DCC: variants seen among roughly 807,000 people sequenced by gnomAD.
DCC encodes the protein DCC netrin 1 receptor.
DCC carries 58 observed loss-of-function variants against 172.5 expected under a neutral mutation model. That is an observed-to-expected ratio of 0.34 (90% CI 0.27 to 0.42). The LOEUF (loss-of-function observed/expected upper bound fraction) is 0.42. Among genes scored for constraint, DCC ranks in the 10% least tolerant of loss-of-function variants. DCC has a pLI of 1.00. For missense variants in DCC, 1,740 were observed against 1,791.0 expected, an observed-to-expected ratio of 0.97 and a Z score of 0.51; for synonymous variants, 709 against 644.5, an observed-to-expected ratio of 1.10 and a Z score of -1.52.
At chr18:52,774,455 C>G (rs1167392285) in intron 2 of DCC, among the ~76,000 whole-genome samples, 4 of 152,210 alleles carry the variant, frequency 2.6e-5, no homozygotes, top group African/African-American at 7.2e-5. Flanking sequence ...GTAGCTACAT[C>G]TTCTTCCCTG....
At chr18:53,047,635 T>C (rs2042274841) in intron 5 of DCC, among the ~76,000 whole-genome samples, 1 of 150,838 alleles carries the variant, frequency 6.6e-6, no homozygotes, top group South Asian at 2.1e-4. Context: ...CACAGACATA[T>C]TGCTTTTTTT....
At chr18:53,367,488 A>T (rs1228167468) in intron 15 of DCC, among the ~76,000 whole-genome samples, 1 of 152,076 alleles carries the variant, frequency 6.6e-6, no homozygotes, top group African/African-American at 2.4e-5. Context: ...CATAGATATC[A>T]TTTTTTTCCA....
intron 5 of DCC, among the ~76,000 whole-genome samples, chr18:52,969,206 C>T (rs1176399271): frequency 6.6e-6 from 1 of 152,126 alleles, no homozygotes; most frequent in Non-Finnish European, 1.5e-5. Flanking sequence ...TCCCACCATC[C>T]AATATCTTGC....
In DCC at chr18:53,359,070, A is replaced by T. The variant is rs531724127; in HGVS notation, c.2359+19163A>T. ...CGATATGTTATGTACTGTGTATAAG[A>T]CTGCAGAGTCAAGGAAAAGCAAAAG... On this transcript the variant is annotated intron_variant, in intron 15 of 28. Transcript: ENST00000442544. Among the ~76,000 whole-genome samples the T allele has an allele frequency of 4.6e-5, 7 of 152,270 alleles. No homozygotes were observed. In the South Asian group the frequency reaches 1.5e-3, roughly 32 times the overall value.
chr18:52,399,862 C>T (rs1384826931), intron 1 of DCC, among the ~76,000 whole-genome samples: 1 of 151,892 alleles, frequency 6.6e-6, no homozygotes, highest in African/African-American at 2.4e-5. Context: ...GACAGTATAT[C>T]TTGCTGATAA....
chr18:52,492,845 A>G (rs1238505409), intron 1 of DCC, among the ~76,000 whole-genome samples: 1 of 152,044 alleles, frequency 6.6e-6, no homozygotes, highest in Non-Finnish European at 1.5e-5. Flanking sequence ...GTAAAAGAAG[A>G]GAGGAGCATG....
chr18:53,187,102 C>T (rs1462629740), intron 9 of DCC, among the ~76,000 whole-genome samples: 1 of 150,534 alleles, frequency 6.6e-6, no homozygotes, highest in African/African-American at 2.5e-5. Flanking sequence ...GAAGTGGAAT[C>T]AAATTTACTT....
chr18:53,229,723 G>A (rs1240855923), intron 12 of DCC, among the ~76,000 whole-genome samples: 1 of 151,910 alleles, frequency 6.6e-6, no homozygotes, highest in Non-Finnish European at 1.5e-5. Context: ...CAGTTTCTAA[G>A]CATCTCTCTC....
In DCC at chr18:53,104,579, A is replaced by G. The variant is rs573336664; in HGVS notation, c.1261+38413A>G. Among the ~76,000 whole-genome samples, 6 of 152,162 alleles carry G rather than the reference A, an allele frequency of 3.9e-5. No individual in the cohort carries two copies. The East Asian group carries it at 1.2e-3, about 30-fold the overall frequency. ...TGTCTTTATCACAGTGTGAAAATGG[A>G]CAAATACACCTAGCTATTTGATTTT... On this transcript the variant is annotated intron_variant, in intron 7 of 28. Coordinates refer to ENST00000442544, the MANE Select transcript of DCC (RefSeq NM_005215.4).
At chr18:52,624,684 C>A (rs1196191853) in intron 1 of DCC, among the ~76,000 whole-genome samples, 4 of 152,138 alleles carry the variant, frequency 2.6e-5, no homozygotes, top group African/African-American at 7.2e-5. Flanking sequence ...TATTGTAGGA[C>A]AGGACCTTGG....
At chr18:52,412,724 G>A (rs1986884944) in intron 1 of DCC, among the ~76,000 whole-genome samples, 1 of 152,024 alleles carries the variant, frequency 6.6e-6, no homozygotes, top group Admixed American at 6.6e-5. Flanking sequence ...TCATTCTGAT[G>A]GCATCTCCAG....
chr18:53,326,440 T>G (rs1392195443), intron 14 of DCC, among the ~76,000 whole-genome samples: 1 of 152,196 alleles, frequency 6.6e-6, no homozygotes, highest in African/African-American at 2.4e-5. Context: ...TGATACTTCC[T>G]CAAAGTGATT....
chr18:52,839,439 A>C (rs1410178669), intron 2 of DCC, among the ~76,000 whole-genome samples: 1 of 152,154 alleles, frequency 6.6e-6, no homozygotes. Flanking sequence ...ACTAATCAGC[A>C]GTGACGCGTC....
chr18:53,206,980 A>G (rs1276969497), intron 10 of DCC, among the ~76,000 whole-genome samples: 2 of 151,894 alleles, frequency 1.3e-5, no homozygotes, highest in East Asian at 3.9e-4. Context: ...CATGGGTTGT[A>G]TTTTTTTCTT....
At chr18:53,506,387 T>G (rs73462956) in intron 27 of DCC, among the ~76,000 whole-genome samples, 8,044 of 152,240 alleles carry the variant, frequency 0.053, 628 homozygotes, top group African/African-American at 0.17. Flanking sequence ...ATGAACATTT[T>G]ATAACATGTT....
chr18:52,343,236 A>G (rs1190313575), intron 1 of DCC, among the ~76,000 whole-genome samples: 1 of 152,238 alleles, frequency 6.6e-6, no homozygotes, highest in Non-Finnish European at 1.5e-5. Flanking sequence ...CTGTTTAGGA[A>G]CATGGCAGGA....
intron 12 of DCC, among the ~76,000 whole-genome samples, chr18:53,254,752 C>A (rs2056482996): frequency 6.6e-6 from 1 of 152,002 alleles, no homozygotes; most frequent in Non-Finnish European, 1.5e-5. Flanking sequence ...TCTTATTAAA[C>A]AAGTGGTCTT....
In DCC at chr18:52,783,246, G is replaced by A. The variant is rs904309900; in HGVS notation, c.412+30872G>A. Among the ~76,000 whole-genome samples, 47 of 145,658 alleles carry A rather than the reference G, an allele frequency of 3.2e-4. 1 individual carries two copies. Among genetic ancestry groups the A allele is most frequent in the Admixed American group, 4.2e-4 (6 of 14,364 alleles). On this transcript the variant is annotated intron_variant, in intron 2 of 28. Transcript: ENST00000442544. ...TTTACAGCAACTGCTCTTAAAAGTG[G>A]TTTAACACCGATTTAAACTCCTTGA...
chr18:52,867,341 CT>C (rs1250202224), intron 2 of DCC, among the ~76,000 whole-genome samples: 1 of 151,978 alleles, frequency 6.6e-6, no homozygotes. Flanking sequence ...TGAAATTTTC[CT>C]TTTTTGTTGT....
Sources: allele counts gnomAD v4.1 joint callset (sites outside exome capture counted in the v4.1 genomes callset), GRCh38; gene constraint gnomAD v4.1.1; transcripts MANE v1.5; gene names NCBI Gene and HGNC (gene_info 2026-07-23, HGNC 2026-07-21).